The following HBP1 variants were observed in gnomAD, a reference collection of about 807,000 sequenced individuals.
The protein encoded by HBP1 is HMG-box transcription factor 1, also known as HMG box-containing protein 1.
In HBP1, 20 loss-of-function variants were observed where a neutral mutation model predicts 62.6. The ratio of observed to expected loss-of-function variants is 0.32; its 90% CI spans 0.22 to 0.46. The LOEUF (loss-of-function observed/expected upper bound fraction) is 0.46. HBP1 is among the 20% of genes least tolerant of loss of function. The pLI, the probability that HBP1 is intolerant of heterozygous loss-of-function variation, is 1.00. For missense variants in HBP1, 480 were observed against 611.8 expected (o/e 0.78, Z 2.27); for synonymous variants, 232 against 206.2 (o/e 1.12, Z -1.07).
At chr7:107,189,502 C>T in intron 7 of HBP1, 54 bp downstream of exon 7, 2 of 1,353,744 alleles carry the variant, frequency 1.5e-6, no homozygotes, top group African/African-American at 1.5e-5. Flanking sequence ...CTTCTTAAAT[C>T]TGTAATTATG....
chr7:107,171,061 A>ATTTTTTTTTTTTTTTT, intron 1 of HBP1, among the ~76,000 whole-genome samples: 1 of 65,000 alleles, frequency 1.5e-5, no homozygotes, highest in Non-Finnish European at 2.5e-5. Flanking sequence ...ATATATATAT[A>ATTTTTTTTTTTTTTTT]TATATATATA....
intron 1 of HBP1, among the ~76,000 whole-genome samples, chr7:107,171,739 A>C (rs1796607060): frequency 6.6e-6 from 1 of 151,630 alleles, no homozygotes; most frequent in Admixed American, 6.6e-5. Flanking sequence ...GCACACCTGT[A>C]GTCCCAGCTG....
At chr7:107,177,117 A>AAATTTGAAAT (rs1291417108) in intron 1 of HBP1, among the ~76,000 whole-genome samples, 1 of 152,150 alleles carries the variant, frequency 6.6e-6, no homozygotes, top group Non-Finnish European at 1.5e-5. Flanking sequence ...ATGTCTGGGG[A>AAATTTGAAAT]TAAAAAAATT....
chr7:107,198,662 A>C (rs1798046711), intron 9 of HBP1, among the ~76,000 whole-genome samples: 1 of 149,702 alleles, frequency 6.7e-6, no homozygotes, highest in South Asian at 2.1e-4. Flanking sequence ...GTCTCTAATA[A>C]AGCTGCCTTA....
Position 107,180,000 on chromosome 7 carries a change from A to C in HBP1, c.107A>C (p.Gln36Pro). 1.2e-6 allele frequency: 2 copies of C among 1,610,174 alleles called. No individual in the cohort carries two copies. The highest frequency in any genetic ancestry group is 1.7e-6 in the Non-Finnish European group (2 of 1,176,802). Residue 36 changes from glutamine to proline, a missense_variant, in exon 2 of 11, where the codon CAG becomes CCG. Physicochemically the swap from Gln to Pro is moderately conservative, Grantham distance 76 (BLOSUM62 -1). Coordinates refer to ENST00000222574, the MANE Select transcript of HBP1 (RefSeq NM_012257.4). ...SGMNDSLELL[Q>P]CNENLPSSPG... ...ATGAATGACTCATTGGAGTTGCTGC[A>C]GTGTAATGAGAATTTGCCATCTTCA...
intron 4 of HBP1, among the ~76,000 whole-genome samples, chr7:107,186,147 C>CTTTTTTTTTTTTTTTT (rs961142033): frequency 7.4e-6 from 1 of 135,116 alleles, no homozygotes; most frequent in African/African-American, 2.8e-5. Context: ...TTGTGTGTGT[C>CTTTTTTTTTTTTTTTT]TTTTTTTTCT....
In HBP1 at chr7:107,174,179, G is replaced by T. The variant is rs529636339; in HGVS notation, c.-16+4994G>T. ...GTAGAGGGACCGACCGTGAGTCTGA[G>T]ATTGAGTGAGTGACCTGTCCCCGGT... On this transcript the variant is annotated intron_variant, in intron 1 of 10. Transcript: ENST00000222574. 2.2e-4 allele frequency among the ~76,000 whole-genome samples: 34 copies of T among 152,326 alleles called. 1 individual carries two copies. The highest frequency in any genetic ancestry group is 7.4e-5 in the Non-Finnish European group (5 of 68,020).
chr7:107,192,540 A>G (rs1282830785), intron 8 of HBP1: 2 of 152,136 alleles, frequency 1.3e-5, no homozygotes, highest in African/African-American at 4.8e-5. Context: ...GATACTGGAA[A>G]TATTATTCTT....
At chr7:107,176,764 A>T (rs1386726914) in intron 1 of HBP1, among the ~76,000 whole-genome samples, 2 of 151,686 alleles carry the variant, frequency 1.3e-5, no homozygotes, top group Non-Finnish European at 2.9e-5. Flanking sequence ...ATACTTGAGA[A>T]ATAGATTTGT....
At chr7:107,185,974 A>C in intron 4 of HBP1, 32 bp downstream of exon 4, 2 of 1,540,492 alleles carry the variant, frequency 1.3e-6, no homozygotes, top group South Asian at 2.2e-5. Context: ...AACTTTTACA[A>C]AGTTTGTACA....
chr7:107,178,145 G>A (rs1796948722), intron 1 of HBP1, among the ~76,000 whole-genome samples: 1 of 152,078 alleles, frequency 6.6e-6, no homozygotes. Context: ...GCAAAAGTCA[G>A]GATTTTTTTG....
chr7:107,187,067 G>A (rs10953529), intron 6 of HBP1, among the ~76,000 whole-genome samples: 27,995 of 151,836 alleles, frequency 0.18, 2,753 homozygotes, highest in Non-Finnish European at 0.22. Flanking sequence ...CCTGGCTAAC[G>A]CGGTGAAACC....
intron 1 of HBP1, among the ~76,000 whole-genome samples, chr7:107,172,871 C>A (rs1048480695): frequency 1.4e-4 from 21 of 152,068 alleles, no homozygotes; most frequent in Admixed American, 1.4e-3. Context: ...GCATTGCAGG[C>A]CTGAGTGACT....
intron 9 of HBP1, among the ~76,000 whole-genome samples, chr7:107,198,893 A>AAAAT (rs1446879146): frequency 2.0e-5 from 3 of 152,232 alleles, no homozygotes; most frequent in Non-Finnish European, 2.9e-5. Context: ...CTTTTAGCTT[A>AAAAT]AAATAATAAA....
At chr7:107,200,337 C>T (rs1443737633) in intron 10 of HBP1, 36 bp downstream of exon 10, 4 of 1,581,048 alleles carry the variant, frequency 2.5e-6, no homozygotes, top group Non-Finnish European at 1.7e-6. Flanking sequence ...AATTATCTTG[C>T]CTTATCCGTG....
In HBP1 at chr7:107,201,565, A is replaced by AAAT. The variant is rs1798310620; in HGVS notation, c.*135_*137dup. On this transcript the variant is annotated 3_prime_UTR_variant, in exon 11 of 11. Coordinates refer to ENST00000222574, the MANE Select transcript of HBP1 (RefSeq NM_012257.4). ...AAGATACTGATAGCATTGAGTCTTGAAATGATTTAATAATATGAGTGAGGA... is the reference window on the plus strand; with the variant it reads ...AAGATACTGATAGCATTGAGTCTTGAAATAATGATTTAATAATATGAGTGAGGA... 2 of 493,596 alleles carry AAAT rather than the reference A, an allele frequency of 4.1e-6. No individual in the cohort carries two copies. Among genetic ancestry groups the AAAT allele is most frequent in the Non-Finnish European group, 7.5e-6 (2 of 267,486 alleles). 30.6% of individuals were successfully genotyped at this position (493,596 alleles called of 1,614,324 possible).
intron 6 of HBP1, 102 bp from the exon 7 acceptor site, chr7:107,189,190 G>C: frequency 2.2e-6 from 2 of 924,828 alleles, no homozygotes; most frequent in Non-Finnish European, 3.3e-6. Flanking sequence ...ATCCTGTCTT[G>C]GTTATTTTTA....
chr7:107,171,065 A>ATTTTTT (rs1361609045), intron 1 of HBP1, among the ~76,000 whole-genome samples: 1 of 66,804 alleles, frequency 1.5e-5, no homozygotes, highest in African/African-American at 1.4e-4. Flanking sequence ...ATATATATAT[A>ATTTTTT]TATATATATT....
At position 107,201,474 on chromosome 7, in the gene HBP1, T is replaced by A. The variant is rs1320919449; in HGVS notation, c.*43T>A. On this transcript the variant is annotated 3_prime_UTR_variant, in exon 11 of 11. Coordinates refer to ENST00000222574, the MANE Select transcript of HBP1 (RefSeq NM_012257.4). ...CTTAAGTCTATATTTGCATATACATTGACTCTTGATGGAAAGACTTAAGAA... is the reference window on the plus strand; with the variant it reads ...CTTAAGTCTATATTTGCATATACATAGACTCTTGATGGAAAGACTTAAGAA... 1 of 1,273,816 alleles carries A rather than the reference T, an allele frequency of 7.9e-7. No homozygotes were observed. The allele number at this position is 1,273,816 out of a possible 1,614,324, so 78.9% of individuals were successfully genotyped here. A position where few individuals can be genotyped will look rare whatever the true frequency, so the allele number is the denominator to read the frequency against.
Sources: gnomAD v4.1 joint callset for allele counts (sites outside exome capture counted in the v4.1 genomes callset) on GRCh38, gnomAD v4.1.1 for gene constraint, MANE v1.5 for transcripts, NCBI Gene and HGNC (gene_info 2026-07-23, HGNC 2026-07-21) for gene names.